Variants in PALLD observed in about 807,000 individuals in gnomAD.
PALLD encodes the protein palladin.
PALLD carries 61 observed loss-of-function variants against 123.5 expected under a neutral mutation model. The observed-to-expected ratio is 0.49, with a 90% CI of 0.40 to 0.61. The LOEUF is 0.61. Among genes scored for constraint, PALLD ranks in the 20% least tolerant of loss-of-function variants. PALLD has a pLI of 0.00. For synonymous variants in PALLD, 465 were observed against 496.4 expected (o/e 0.94, Z 0.84); for missense variants, 1,273 against 1,377.0 (o/e 0.92, Z 1.20).
intron 10 of PALLD, among the ~76,000 whole-genome samples, chr4:168,715,731 A>G (rs866401081): frequency 6.6e-6 from 1 of 152,192 alleles, no homozygotes; most frequent in Non-Finnish European, 1.5e-5. Context: ...TGGGCGGATC[A>G]CGAGGTCAGG....
At chr4:168,719,027 C>G (rs1045237232) in intron 10 of PALLD, among the ~76,000 whole-genome samples, 1 of 151,122 alleles carries the variant, frequency 6.6e-6, no homozygotes, top group Non-Finnish European at 1.5e-5. Flanking sequence ...CCTGCCTCAG[C>G]CTCCTGAGTA....
At chr4:168,730,214 T>C (rs2150304291) in intron 10 of PALLD, among the ~76,000 whole-genome samples, 1 of 152,302 alleles carries the variant, frequency 6.6e-6, no homozygotes, top group East Asian at 1.9e-4. Flanking sequence ...CCTATTTTTA[T>C]TGTACTTTCT....
At chr4:168,583,944 G>C (rs1770549785) in intron 2 of PALLD, among the ~76,000 whole-genome samples, 1 of 151,956 alleles carries the variant, frequency 6.6e-6, no homozygotes, top group Admixed American at 6.6e-5. Flanking sequence ...TTCTCTACCA[G>C]TTCTAGTACA....
At chr4:168,885,870 G>A (rs1006151659) in intron 10 of PALLD, among the ~76,000 whole-genome samples, 16 of 152,196 alleles carry the variant, frequency 1.1e-4, no homozygotes, top group African/African-American at 3.6e-4. Context: ...ACCAAATAAT[G>A]CATGTGTCAC....
chr4:168,718,546 A>G (rs777835429), intron 10 of PALLD, among the ~76,000 whole-genome samples: 3 of 152,058 alleles, frequency 2.0e-5, no homozygotes, highest in Admixed American at 6.6e-5. Flanking sequence ...ATTTCTTTTC[A>G]ACTTAAATTT....
intron 14 of PALLD, among the ~76,000 whole-genome samples, chr4:168,900,248 C>G (rs531258524): frequency 6.6e-6 from 1 of 152,164 alleles, no homozygotes; most frequent in African/African-American, 2.4e-5. Flanking sequence ...CACTGGGAGT[C>G]CCATTTCAGC....
intron 2 of PALLD, among the ~76,000 whole-genome samples, chr4:168,647,341 T>G (rs996325787): frequency 3.3e-5 from 5 of 152,332 alleles, no homozygotes; most frequent in Non-Finnish European, 7.3e-5. Flanking sequence ...CTAGTTCACT[T>G]ACTACAATGG....
intron 10 of PALLD, among the ~76,000 whole-genome samples, chr4:168,780,194 T>A (rs1186116119): frequency 6.6e-6 from 1 of 152,176 alleles, no homozygotes; most frequent in African/African-American, 2.4e-5. Context: ...CCACCGCACC[T>A]GGTCTCACTA....
chr4:168,878,682 T>TTGGGG (rs1553965735), intron 10 of PALLD, among the ~76,000 whole-genome samples: 1 of 83,862 alleles, frequency 1.2e-5, no homozygotes, highest in Non-Finnish European at 3.0e-5. Context: ...TTAATCATTA[T>TTGGGG]GGGGGGGGGG....
intron 10 of PALLD, among the ~76,000 whole-genome samples, chr4:168,762,309 T>C (rs7665174): frequency 0.92 from 140,448 of 152,130 alleles, 64,945 homozygotes; most frequent in African/African-American, 0.98. Context: ...CCCATCTCTA[T>C]TAAAAATACA....
intron 3 of PALLD, among the ~76,000 whole-genome samples, chr4:168,670,154 G>A (rs1053360952): frequency 1.3e-5 from 2 of 152,178 alleles, no homozygotes; most frequent in Admixed American, 1.3e-4. Context: ...TGCTAATGAT[G>A]ATCAGATGTG....
Position 168,681,405 on chromosome 4 carries a change from G to A in PALLD, c.1154+7G>A. ...GAGCTGGAGCTATGCCACAGTAAGTGCCTACAATTCCATCGATTATGTGGA... is the reference window on the plus strand; with the variant it reads ...GAGCTGGAGCTATGCCACAGTAAGTACCTACAATTCCATCGATTATGTGGA... On this transcript the variant is annotated splice_region_variant and intron_variant, in intron 4 of 21. Transcript: ENST00000505667. 1.9e-6 allele frequency: 3 copies of A among 1,562,932 alleles called. No homozygotes were observed. The South Asian group carries it at 3.3e-5, about 17-fold the overall frequency.
chr4:168,628,517 G>T (rs1283431773), intron 2 of PALLD, among the ~76,000 whole-genome samples: 1 of 152,132 alleles, frequency 6.6e-6, no homozygotes, highest in African/African-American at 2.4e-5. Context: ...TGCTAGGCAT[G>T]GTCCCTCCTT....
At chr4:168,905,199 G>A (rs1181124143) in intron 15 of PALLD, among the ~76,000 whole-genome samples, 1 of 122,054 alleles carries the variant, frequency 8.2e-6, no homozygotes, top group Non-Finnish European at 1.6e-5. Context: ...CGCCCAGGCT[G>A]GAATGCAGTG....
intron 15 of PALLD, among the ~76,000 whole-genome samples, chr4:168,913,398 A>G (rs1453684541): frequency 6.6e-6 from 1 of 151,996 alleles, no homozygotes; most frequent in African/African-American, 2.4e-5. Flanking sequence ...CAGCCTCCCA[A>G]AGTGCTGGCA....
chr4:168,577,943 G>A (rs927337200), intron 2 of PALLD, among the ~76,000 whole-genome samples: 1 of 151,946 alleles, frequency 6.6e-6, no homozygotes, highest in African/African-American at 2.4e-5. Flanking sequence ...AATGGGGGCG[G>A]GGCGGGGGGA....
intron 2 of PALLD, among the ~76,000 whole-genome samples, chr4:168,538,461 A>G (rs1476535331): frequency 6.6e-6 from 1 of 151,554 alleles, no homozygotes; most frequent in Non-Finnish European, 1.5e-5. Flanking sequence ...AATAAAATAA[A>G]ATAAAATTTT....
chr4:168,539,412 A>T (rs1179082002), intron 2 of PALLD, among the ~76,000 whole-genome samples: 1 of 151,772 alleles, frequency 6.6e-6, no homozygotes, highest in Non-Finnish European at 1.5e-5. Context: ...ACATGGAGAA[A>T]CCCCATTTCT....
At chr4:168,789,595 C>T (rs918740883) in intron 10 of PALLD, among the ~76,000 whole-genome samples, 1 of 151,514 alleles carries the variant, frequency 6.6e-6, no homozygotes, top group Non-Finnish European at 1.5e-5. Flanking sequence ...GTCCCAGCTA[C>T]TTGGGAGGCT....
Sources: gnomAD v4.1 joint callset for allele counts (sites outside exome capture counted in the v4.1 genomes callset) on GRCh38, gnomAD v4.1.1 for gene constraint, MANE v1.5 for transcripts, NCBI Gene and HGNC (gene_info 2026-07-23, HGNC 2026-07-21) for gene names.